MARCHF1: variants seen among roughly 807,000 people sequenced by gnomAD.
MARCHF1 encodes the protein membrane associated ring-CH-type finger 1, also known as E3 ubiquitin-protein ligase MARCHF1.
MARCHF1 carries 40 observed loss-of-function variants against 54.2 expected under a neutral mutation model. That is an observed-to-expected ratio of 0.74 (90% CI 0.57 to 0.96). MARCHF1 has a LOEUF of 0.96. Ranked by LOEUF, MARCHF1 falls within the 40% of genes least tolerant of loss-of-function variation. MARCHF1 has a pLI of 0.00. For missense variants in MARCHF1, 586 were observed against 656.5 expected (o/e 0.89, Z 1.17); for synonymous variants, 236 against 236.3 (o/e 1.00, Z 0.01).
At chr4:163,727,648 C>T (rs1745702495) in intron 4 of MARCHF1, among the ~76,000 whole-genome samples, 1 of 150,838 alleles carries the variant, frequency 6.6e-6, no homozygotes, top group Non-Finnish European at 1.5e-5. Context: ...TACAATTATG[C>T]TTGCACCATT....
chr4:163,553,321 C>A (rs1165456335), intron 8 of MARCHF1, among the ~76,000 whole-genome samples: 2 of 152,172 alleles, frequency 1.3e-5, no homozygotes, highest in African/African-American at 4.8e-5. Flanking sequence ...GTTGTTCTTA[C>A]TGTCTAGATT....
intron 1 of MARCHF1, among the ~76,000 whole-genome samples, chr4:164,356,148 A>G (rs1730524747): frequency 8.8e-6 from 1 of 113,840 alleles, no homozygotes; most frequent in South Asian, 2.8e-4. Context: ...AGAAATAGGA[A>G]CACTTTTGCA....
chr4:163,743,577 C>CT (rs34675962), intron 4 of MARCHF1, among the ~76,000 whole-genome samples: 43,957 of 122,734 alleles, frequency 0.36, 8,799 homozygotes, highest in Non-Finnish European at 0.47. Flanking sequence ...GATACACCAT[C>CT]TTTTTTTTTT....
At chr4:163,846,524 CTGGTAAATTTGGTTT>C in intron 4 of MARCHF1, among the ~76,000 whole-genome samples, 1 of 152,160 alleles carries the variant, frequency 6.6e-6, no homozygotes, top group South Asian at 2.1e-4. Context: ...TAAATATTAA[CTGGTAAATTTGGTTT>C]CTTTGTAAGG....
chr4:164,266,213 T>A (rs552761743), intron 1 of MARCHF1, among the ~76,000 whole-genome samples: 2 of 152,302 alleles, frequency 1.3e-5, no homozygotes, highest in South Asian at 4.1e-4. Context: ...TCATCTCAGG[T>A]TTACCTTTTC....
intron 2 of MARCHF1, among the ~76,000 whole-genome samples, chr4:164,029,561 A>T (rs955413446): frequency 1.3e-4 from 15 of 115,022 alleles, no homozygotes; most frequent in African/African-American, 4.0e-4. Flanking sequence ...ATGTGAGATT[A>T]AATTGACATA....
chr4:163,670,981 A>G (rs1396286945), intron 5 of MARCHF1, among the ~76,000 whole-genome samples: 1 of 152,208 alleles, frequency 6.6e-6, no homozygotes, highest in Non-Finnish European at 1.5e-5. Flanking sequence ...TGGTAATGGA[A>G]AGAACATGAA....
At chr4:164,349,686 C>T (rs1184498371) in intron 1 of MARCHF1, among the ~76,000 whole-genome samples, 5 of 152,084 alleles carry the variant, frequency 3.3e-5, no homozygotes, top group Non-Finnish European at 7.4e-5. Context: ...AATCACTATA[C>T]TTACAAGGAT....
In MARCHF1 at chr4:163,690,204, A is replaced by G. The variant is rs566218059; in HGVS notation, c.162+10609T>C. Among the ~76,000 whole-genome samples, 5 of 152,208 alleles carry G rather than the reference A, an allele frequency of 3.3e-5. No individual in the cohort carries two copies. In the South Asian group the frequency reaches 1.0e-3, roughly 32 times the overall value. On this transcript the variant is annotated intron_variant, in intron 5 of 9. Transcript: ENST00000514618. ...CTTGCAGCCTCATTTCTGAATTTCAACCCCACAAATGTAGTTTTTCAACAA... is the reference window on the plus strand; with the variant it reads ...CTTGCAGCCTCATTTCTGAATTTCAGCCCCACAAATGTAGTTTTTCAACAA...
At chr4:163,702,713 A>T (rs533435894) in intron 4 of MARCHF1, among the ~76,000 whole-genome samples, 58 of 152,304 alleles carry the variant, frequency 3.8e-4, no homozygotes, top group African/African-American at 1.2e-3. Flanking sequence ...TGCCAATCTA[A>T]TGGGGGAAAA....
chr4:163,792,051 T>C (rs1747786878), intron 4 of MARCHF1, among the ~76,000 whole-genome samples: 1 of 152,214 alleles, frequency 6.6e-6, no homozygotes. Context: ...ACCATTTTTG[T>C]AATATCAGAA....
intron 5 of MARCHF1, among the ~76,000 whole-genome samples, chr4:163,685,189 A>T (rs187636735): frequency 6.6e-6 from 1 of 152,262 alleles, no homozygotes; most frequent in African/African-American, 2.4e-5. Context: ...CTGACAAAAA[A>T]TATCTGGTTT....
At chr4:163,823,979 A>C (rs1322931531) in intron 4 of MARCHF1, among the ~76,000 whole-genome samples, 9 of 151,880 alleles carry the variant, frequency 5.9e-5, no homozygotes, top group Non-Finnish European at 1.5e-5. Flanking sequence ...CAAATCCCCT[A>C]TATATCATTC....
At chr4:164,010,062 C>CTTT (rs35143590) in intron 2 of MARCHF1, among the ~76,000 whole-genome samples, 8 of 98,548 alleles carry the variant, frequency 8.1e-5, no homozygotes, top group African/African-American at 3.0e-4. Flanking sequence ...TCAAAAAACT[C>CTTT]TTTTTTTTTT....
At position 163,782,400 on chromosome 4, in the gene MARCHF1, G is replaced by A. The variant is rs2320900; in HGVS notation, c.111+71621C>T. Among the ~76,000 whole-genome samples the A allele has an allele frequency of 6.3e-3, 965 of 152,226 alleles. 3 individuals carry two copies. The highest frequency in any genetic ancestry group is 0.011 in the Non-Finnish European group (736 of 68,010). On this transcript the variant is annotated intron_variant, in intron 4 of 9. Transcript: ENST00000514618. ...TGAAAGGTCCAGCAGGCCGGGTGTG[G>A]TGGCTCATGCCTGTATTCCCAGCAC...
chr4:163,766,639 T>G (rs750661664), intron 4 of MARCHF1, among the ~76,000 whole-genome samples: 4 of 152,150 alleles, frequency 2.6e-5, no homozygotes, highest in Non-Finnish European at 5.9e-5. Context: ...ATGTTTTCCT[T>G]ACAGATTAAT....
chr4:163,896,163 A>C (rs1207482625), intron 3 of MARCHF1, among the ~76,000 whole-genome samples: 1 of 152,202 alleles, frequency 6.6e-6, no homozygotes, highest in Admixed American at 6.5e-5. Context: ...CCAAAAAAGA[A>C]TAAAAATAAT....
intron 3 of MARCHF1, among the ~76,000 whole-genome samples, chr4:163,863,689 T>C (rs1157775987): frequency 6.6e-6 from 1 of 152,044 alleles, no homozygotes; most frequent in Admixed American, 6.6e-5. Context: ...GCAACAAATA[T>C]GCCGAGTGCC....
chr4:164,314,490 C>A (rs1021791536), intron 1 of MARCHF1, among the ~76,000 whole-genome samples: 5 of 152,134 alleles, frequency 3.3e-5, no homozygotes, highest in Non-Finnish European at 7.4e-5. Context: ...GTTACACTTA[C>A]AAATATCACC....
Sources: gnomAD v4.1 joint callset for allele counts (sites outside exome capture counted in the v4.1 genomes callset) on GRCh38, gnomAD v4.1.1 for gene constraint, MANE v1.5 for transcripts, NCBI Gene and HGNC (gene_info 2026-07-23, HGNC 2026-07-21) for gene names.